Variants in ROBO2 observed in about 807,000 individuals in gnomAD.
ROBO2 encodes the protein roundabout homolog 2.
Under a neutral mutation model 160.8 loss-of-function variants are expected in ROBO2, and 53 were observed. The observed-to-expected ratio is 0.33, with a 90% confidence interval of 0.26 to 0.41. The LOEUF is 0.41. Among genes scored for constraint, ROBO2 ranks in the 10% least tolerant of loss-of-function variants. The pLI, the probability that ROBO2 is intolerant of heterozygous loss-of-function variation, is 1.00. For missense variants in ROBO2, 1,577 were observed against 1,722.4 expected (o/e 0.92, Z 1.49); for synonymous variants, 664 against 611.7 (o/e 1.09, Z -1.26).
At chr3:76,126,260 A>G (rs2070984482) in intron 2 of ROBO2, among the ~76,000 whole-genome samples, 1 of 152,178 alleles carries the variant, frequency 6.6e-6, no homozygotes, top group Non-Finnish European at 1.5e-5. Context: ...GAGTGTCAAT[A>G]GAGACCAGTT....
chr3:76,454,723 A>C (rs1017760875), intron 2 of ROBO2, among the ~76,000 whole-genome samples: 2 of 152,114 alleles, frequency 1.3e-5, no homozygotes, highest in Non-Finnish European at 2.9e-5. Context: ...ATATTAAATA[A>C]TTTTTTTAAA....
intron 2 of ROBO2, among the ~76,000 whole-genome samples, chr3:76,812,909 A>ATTTTTTTTTTTTTTTTTTTTTT (rs71104626): frequency 2.9e-5 from 3 of 104,654 alleles, no homozygotes; most frequent in African/African-American, 1.1e-4. Flanking sequence ...AGAAGTATAA[A>ATTTTTTTTTTTTTTTTTTTTTT]TTTTTTTTTT....
chr3:77,401,286 G>A (rs113416363), intron 2 of ROBO2, among the ~76,000 whole-genome samples: 2,251 of 151,470 alleles, frequency 0.015, 68 homozygotes, highest in African/African-American at 0.052. Context: ...ACTCAAAGAG[G>A]GGATTTCAAT....
chr3:76,675,398 C>T (rs565154070), intron 2 of ROBO2, among the ~76,000 whole-genome samples: 7 of 150,656 alleles, frequency 4.6e-5, no homozygotes, highest in Admixed American at 6.6e-5. Context: ...AGTTTTTGCT[C>T]CCTTTGAGAA....
rs145975321 is a variant in ROBO2 at position 76,560,626 on chromosome 3, A to G, written c.110-537388A>G. On this transcript the variant is annotated intron_variant, in intron 2 of 26. Transcript: ENST00000487694. Reference sequence around the variant, plus strand: ...TTACATCTGATTTCACAAAAAAAAAAAAAAGAAAAGAAAAGAAAACTCACA... The same window carrying G: ...TTACATCTGATTTCACAAAAAAAAAGAAAAGAAAAGAAAAGAAAACTCACA... Among the ~76,000 whole-genome samples the G allele has an allele frequency of 3.6e-3, 538 of 150,508 alleles. 4 individuals are homozygous for G. The highest frequency in any genetic ancestry group is 0.012 in the African/African-American group (488 of 41,258).
intron 2 of ROBO2, among the ~76,000 whole-genome samples, chr3:76,952,101 C>G (rs910950213): frequency 6.6e-6 from 1 of 152,180 alleles, no homozygotes; most frequent in Non-Finnish European, 1.5e-5. Flanking sequence ...AGACTGATGA[C>G]TTTCAGCAGA....
intron 2 of ROBO2, among the ~76,000 whole-genome samples, chr3:76,839,154 A>G (rs888548998): frequency 6.6e-6 from 1 of 152,176 alleles, no homozygotes; most frequent in Non-Finnish European, 1.5e-5. Context: ...TTTCTAGAAT[A>G]GAAAAAGAAA....
At chr3:76,138,524 T>G (rs1044602640) in intron 2 of ROBO2, among the ~76,000 whole-genome samples, 10 of 152,062 alleles carry the variant, frequency 6.6e-5, no homozygotes, top group African/African-American at 1.4e-4. Flanking sequence ...CACATTAGCA[T>G]TTTCAATAAG....
At chr3:76,914,246 A>G (rs1292067596) in intron 2 of ROBO2, among the ~76,000 whole-genome samples, 1 of 152,196 alleles carries the variant, frequency 6.6e-6, no homozygotes, top group Non-Finnish European at 1.5e-5. Context: ...AATAGATTGC[A>G]CACATCTACC....
intron 2 of ROBO2, among the ~76,000 whole-genome samples, chr3:77,177,224 A>G (rs1181726153): frequency 6.6e-6 from 1 of 151,988 alleles, no homozygotes; most frequent in Non-Finnish European, 1.5e-5. Flanking sequence ...AAAACCTCTG[A>G]AGATGTTTTT....
At chr3:76,003,560 G>T (rs766682275) in intron 2 of ROBO2, among the ~76,000 whole-genome samples, 10 of 152,148 alleles carry the variant, frequency 6.6e-5, no homozygotes, top group Non-Finnish European at 1.3e-4. Flanking sequence ...TGTAGAAATA[G>T]ATTAAAAATT....
At chr3:76,281,762 A>G (rs1406895370) in intron 2 of ROBO2, among the ~76,000 whole-genome samples, 1 of 152,036 alleles carries the variant, frequency 6.6e-6, no homozygotes, top group Non-Finnish European at 1.5e-5. Context: ...CATTTTAGAG[A>G]GTCACTTTAT....
chr3:75,998,406 A>C (rs2065789919), intron 2 of ROBO2, among the ~76,000 whole-genome samples: 1 of 152,198 alleles, frequency 6.6e-6, no homozygotes. Flanking sequence ...GTTTTTGTAG[A>C]ACTCCTCTAC....
intron 2 of ROBO2, among the ~76,000 whole-genome samples, chr3:76,894,005 AACTGAT>A (rs1469854145): frequency 6.6e-6 from 1 of 152,144 alleles, no homozygotes; most frequent in East Asian, 1.9e-4. Flanking sequence ...GATTTTGCCT[AACTGAT>A]ATGGAAAAGT....
At chr3:76,096,887 T>G (rs952457403) in intron 2 of ROBO2, among the ~76,000 whole-genome samples, 2 of 152,198 alleles carry the variant, frequency 1.3e-5, no homozygotes, top group African/African-American at 4.8e-5. Flanking sequence ...GTAATGCTTA[T>G]AGTCTAGTGA....
intron 2 of ROBO2, among the ~76,000 whole-genome samples, chr3:75,954,999 G>A (rs1365537417): frequency 4.6e-5 from 7 of 151,854 alleles, no homozygotes; most frequent in South Asian, 2.1e-4. Context: ...TAGAACAAGC[G>A]TCTAATGAGA....
intron 2 of ROBO2, among the ~76,000 whole-genome samples, chr3:76,632,823 A>G (rs538634367): frequency 1.3e-5 from 2 of 152,338 alleles, no homozygotes; most frequent in African/African-American, 2.4e-5. Context: ...AACACATTAG[A>G]ATGATCCATC....
At chr3:76,400,432 T>C (rs576358447) in intron 2 of ROBO2, among the ~76,000 whole-genome samples, 1 of 151,764 alleles carries the variant, frequency 6.6e-6, no homozygotes, top group East Asian at 1.9e-4. Flanking sequence ...AGCATCATTA[T>C]CACCTTAGCT....
At chr3:77,126,882 G>T (rs933755104) in intron 2 of ROBO2, among the ~76,000 whole-genome samples, 1 of 144,562 alleles carries the variant, frequency 6.9e-6, no homozygotes, top group African/African-American at 2.6e-5. Flanking sequence ...TCCGCCTCCC[G>T]GGTTCACGCC....
Sources: gnomAD v4.1 joint callset for allele counts (sites outside exome capture counted in the v4.1 genomes callset) on GRCh38, gnomAD v4.1.1 for gene constraint, MANE v1.5 for transcripts, NCBI Gene and HGNC (gene_info 2026-07-23, HGNC 2026-07-21) for gene names.